PTK7: variants seen among roughly 807,000 people sequenced by gnomAD.
The protein encoded by PTK7 is inactive tyrosine-protein kinase 7.
PTK7 carries 39 observed loss-of-function variants against 116.6 expected under a neutral mutation model. The observed-to-expected ratio is 0.33, with a 90% CI of 0.26 to 0.44. The LOEUF (loss-of-function observed/expected upper bound fraction) is 0.44, where lower values mean the gene tolerates loss of function less well. Among genes scored for constraint, PTK7 ranks in the 20% least tolerant of loss-of-function variants. The pLI, the probability that PTK7 is intolerant of heterozygous loss-of-function variation, is 1.00. For synonymous variants in PTK7, 546 were observed against 563.6 expected, an observed-to-expected ratio of 0.97 and a Z score of 0.44; for missense variants, 1,169 against 1,425.6, an observed-to-expected ratio of 0.82 and a Z score of 2.90.
In PTK7 at chr6:43,103,190, T is replaced by C. The variant is rs370541518; in HGVS notation, c.80-25787T>C. Among the ~76,000 whole-genome samples, 78 of 152,318 alleles carry C rather than the reference T, an allele frequency of 5.1e-4. 3 individuals are homozygous for C. The South Asian group carries it at 0.016, about 31-fold the overall frequency. ...AAAATAAAAACAAAATGCTCAGGCA[T>C]AAACCATTATAATGGAAACTGTATT... is the stretch of plus-strand genomic sequence containing the variant. On this transcript the variant is annotated intron_variant, in intron 1 of 19. Transcript: ENST00000230419.
chr6:43,084,423 G>A (rs771313356), intron 1 of PTK7, among the ~76,000 whole-genome samples: 22 of 152,208 alleles, frequency 1.4e-4, no homozygotes, highest in Non-Finnish European at 2.8e-4. Flanking sequence ...GATTACAGGC[G>A]TAAGCCATCA....
Position 43,104,793 on chromosome 6 carries a change from C to A in PTK7, c.80-24184C>A, listed in dbSNP as rs1561945276. 4.1e-5 allele frequency among the ~76,000 whole-genome samples: 6 copies of A among 146,378 alleles called. No homozygotes were observed. The South Asian group carries it at 8.7e-4, about 21-fold the overall frequency. On this transcript the variant is annotated intron_variant, in intron 1 of 19. Coordinates refer to ENST00000230419, the MANE Select transcript of PTK7 (RefSeq NM_002821.5). ...TAAGCATCAGTGTTGGTTAAGAAAG[C>A]GTAAATTAGCACAACTTTTTTTTTT...
rs1221877050 is a variant in PTK7 at position 43,143,551 on chromosome 6, A to C, written c.2182A>C (p.Lys728Gln). 1.2e-6 allele frequency: 2 copies of C among 1,613,890 alleles called. No individual in the cohort carries two copies. The highest frequency in any genetic ancestry group is 1.7e-6 in the Non-Finnish European group (2 of 1,180,012). The part of the protein sequence containing the change: ...AVLGLMFYCK[K>Q]RCKAKRLQKQ... The stretch of plus-strand genomic sequence containing the variant: ...GCTGGGCCTCATGTTCTACTGCAAG[A>C]AGCGCTGCAAAGCCAAGCGGCTGCA... Residue 728 changes from lysine to glutamine, a missense_variant, in exon 14 of 20, where the codon AAG becomes CAG. Around this residue, in one of 3 missense-constraint regions of PTK7, gnomAD observed 678 missense variants for 853.8 expected, o/e 0.79. Transcript: ENST00000230419. This position sits in a 1 kb window ranked among gnomAD's most constrained non-coding sequence, Gnocchi z 4.2.
chr6:43,111,425 TG>T (rs1477489155), intron 1 of PTK7, among the ~76,000 whole-genome samples: 1 of 152,150 alleles, frequency 6.6e-6, no homozygotes, highest in Non-Finnish European at 1.5e-5. Context: ...CATCTCCAAA[TG>T]GTCTGTGTAG....
At chr6:43,160,447 G>A (rs536346514) in intron 19 of PTK7, among the ~76,000 whole-genome samples, 1 of 152,244 alleles carries the variant, frequency 6.6e-6, no homozygotes, top group South Asian at 2.1e-4. Context: ...TATATTGGTT[G>A]GTAAATAGCC....
chr6:43,143,683 A>G lies in PTK7; in HGVS notation c.2251+63A>G. The stretch of plus-strand genomic sequence containing the variant: ...GGGAGCTGAGCGCCCTCCCGCGGCC[A>G]CGGAGGGGAGAGCGCCAGCACTCTG... On this transcript the variant is annotated intron_variant, in intron 14 of 19. Transcript: ENST00000230419. The surrounding 1 kb of genome is among the most constrained non-coding windows in gnomAD (Gnocchi z 4.2). 6.5e-7 allele frequency: 1 copy of G among 1,537,376 alleles called. No homozygotes were observed. Among genetic ancestry groups the G allele is most frequent in the South Asian group, 1.2e-5 (1 of 86,244 alleles).
chr6:43,139,127 G>A lies in PTK7; in HGVS notation c.1363-9G>A, dbSNP rs1309904621. The A allele has an allele frequency of 3.1e-6, 5 of 1,614,114 alleles. No individual in the cohort carries two copies. Among genetic ancestry groups the A allele is most frequent in the Non-Finnish European group, 4.2e-6 (5 of 1,179,990 alleles). On this transcript the variant is annotated splice_polypyrimidine_tract_variant and intron_variant, in intron 8 of 19. Coordinates refer to ENST00000230419, the MANE Select transcript of PTK7 (RefSeq NM_002821.5). The surrounding 1 kb of genome is among the most constrained non-coding windows in gnomAD (Gnocchi z 4.6). ...GTTCAGGCTCTGAGGCCTCTCACCT[G>A]TGCTGCAGGACTCACGGTTCGAGGT...
chr6:43,150,113 G>A (rs140564476), intron 17 of PTK7, among the ~76,000 whole-genome samples: 413 of 152,356 alleles, frequency 2.7e-3, no homozygotes, highest in South Asian at 4.3e-3. Flanking sequence ...TTGCTTCATG[G>A]ATCACTTGTG....
At chr6:43,085,801 C>T (rs1016208638) in intron 1 of PTK7, among the ~76,000 whole-genome samples, 10 of 151,722 alleles carry the variant, frequency 6.6e-5, no homozygotes, top group Admixed American at 1.3e-4. Flanking sequence ...GGTGTGGTGG[C>T]GCATGCCCGT....
intron 1 of PTK7, among the ~76,000 whole-genome samples, chr6:43,101,170 G>A (rs1185293012): frequency 6.7e-6 from 1 of 150,112 alleles, no homozygotes; most frequent in Admixed American, 6.7e-5. Context: ...AGCTGAGATC[G>A]CACCATTGCA....
At chr6:43,084,249 G>A (rs946674195) in intron 1 of PTK7, among the ~76,000 whole-genome samples, 21 of 152,118 alleles carry the variant, frequency 1.4e-4, no homozygotes, top group African/African-American at 5.1e-4. Flanking sequence ...TCCCGCCTCC[G>A]CCTCCCAAGT....
chr6:43,081,816 A>G (rs1275365746), intron 1 of PTK7, among the ~76,000 whole-genome samples: 1 of 151,964 alleles, frequency 6.6e-6, no homozygotes, highest in Non-Finnish European at 1.5e-5. Context: ...AGGCATGGGG[A>G]GTCTTTTGCA....
chr6:43,139,179 A>G lies in PTK7; in HGVS notation c.1406A>G (p.Asn469Ser), dbSNP rs1365080279. 1 of 1,614,234 alleles carries G rather than the reference A, an allele frequency of 6.2e-7. No individual in the cohort carries two copies. Among genetic ancestry groups the G allele is most frequent in the Non-Finnish European group, 8.5e-7 (1 of 1,180,032 alleles). The change falls in exon 9 of 20, where the codon AAC (asparagine) becomes AGC (serine). Residue 469 changes from asparagine to serine, a missense_variant. This residue lies in a region of PTK7 where 678 missense variants were observed against 853.8 expected (regional missense o/e 0.79). Coordinates refer to ENST00000230419, the MANE Select transcript of PTK7 (RefSeq NM_002821.5). This position sits in a 1 kb window ranked among gnomAD's most constrained non-coding sequence, Gnocchi z 4.6. ...EVFKNGTLRI[N>S]SVEVYDGTWY... The stretch of plus-strand genomic sequence containing the variant: ...TTCAAGAATGGGACCTTGCGCATCA[A>G]CAGCGTGGAGGTGTATGATGGGACA...
intron 1 of PTK7, among the ~76,000 whole-genome samples, chr6:43,088,342 G>T (rs1766767360): frequency 6.6e-6 from 1 of 152,044 alleles, no homozygotes; most frequent in African/African-American, 2.4e-5. Flanking sequence ...CAGAGTGCCA[G>T]TCCCTCCTGT....
chr6:43,082,092 A>C (rs370098255), intron 1 of PTK7, among the ~76,000 whole-genome samples: 1 of 152,200 alleles, frequency 6.6e-6, no homozygotes, highest in African/African-American at 2.4e-5. Context: ...TAGAGTATCT[A>C]TAACTGTGCT....
chr6:43,130,955 A>T (rs1035389889), intron 5 of PTK7, among the ~76,000 whole-genome samples: 1 of 149,086 alleles, frequency 6.7e-6, no homozygotes, highest in Non-Finnish European at 1.5e-5. Context: ...GACCCCAGGG[A>T]TGAGAGAGAC....
At chr6:43,089,836 T>G (rs2150376991) in intron 1 of PTK7, among the ~76,000 whole-genome samples, 1 of 152,304 alleles carries the variant, frequency 6.6e-6, no homozygotes, top group Non-Finnish European at 1.5e-5. Context: ...CAAAAGGCTG[T>G]TATTTAATAA....
Position 43,132,101 on chromosome 6 carries a change from C to G in PTK7, c.898C>G (p.Arg300Gly). The change falls in exon 6 of 20, where the codon CGC becomes GGC. Residue 300 changes from arginine (R) to glycine (G), a missense_variant. Coordinates refer to ENST00000230419, the MANE Select transcript of PTK7 (RefSeq NM_002821.5). ...QVRPRNAGIY[R>G]CIGQGQRGPP... ...CCGGCCACGCAATGCAGGGATCTACCGCTGCATTGGCCAGGGGCAGAGGGG... is the reference window on the plus strand; with the variant it reads ...CCGGCCACGCAATGCAGGGATCTACGGCTGCATTGGCCAGGGGCAGAGGGG... The G allele has an allele frequency of 1.9e-6, 3 of 1,614,098 alleles. No individual in the cohort carries two copies. The highest frequency in any genetic ancestry group is 2.5e-6 in the Non-Finnish European group (3 of 1,180,034).
intron 1 of PTK7, among the ~76,000 whole-genome samples, chr6:43,102,160 C>T (rs1767619773): frequency 6.6e-6 from 1 of 152,032 alleles, no homozygotes; most frequent in Admixed American, 6.6e-5. Context: ...TGAGGTGGCT[C>T]ATGCCTGTAA....
Sources: gnomAD v4.1 joint callset for allele counts (sites outside exome capture counted in the v4.1 genomes callset) on GRCh38, gnomAD v4.1.1 for gene constraint, gnomAD v4.1.1 regional missense constraint, Gnocchi (gnomAD v3.1) non-coding constraint, MANE v1.5 for transcripts, NCBI Gene and HGNC (gene_info 2026-07-23, HGNC 2026-07-21) for gene names.